Variants in USH2A observed in about 807,000 individuals in gnomAD.
USH2A encodes the protein usherin.
Under a neutral mutation model 538.9 loss-of-function variants are expected in USH2A, and 443 were observed. The ratio of observed to expected loss-of-function variants is 0.82; its 90% CI spans 0.76 to 0.89. The LOEUF is 0.89. Among genes scored for constraint, USH2A ranks in the 40% least tolerant of loss-of-function variants. The pLI is 0.00. For missense variants in USH2A, 6,633 were observed against 6,324.8 expected (o/e 1.05, Z -1.65); for synonymous variants, 2,413 against 2,273.5 (o/e 1.06, Z -1.75).
At chr1:215,889,108 T>A (rs1361226005) in intron 40 of USH2A, 54 bp from the exon 41 acceptor site, 2 of 1,596,894 alleles carry the variant, frequency 1.3e-6, no homozygotes, top group African/African-American at 2.7e-5. Flanking sequence ...GTCCCACCTC[T>A]CCTCAAAGCT....
rs188678624 is a variant in USH2A at position 216,078,904 on chromosome 1, A to T, written c.5299-542T>A. ...GATTCAATATTTCGGTTTTATTCTAAATCTTTAACTAACATAATTGCTTCT... is the reference window on the plus strand; with the variant it reads ...GATTCAATATTTCGGTTTTATTCTATATCTTTAACTAACATAATTGCTTCT... On this transcript the variant is annotated intron_variant, in intron 26 of 71. Transcript: ENST00000307340. 5.0e-3 allele frequency among the ~76,000 whole-genome samples: 762 copies of T among 152,218 alleles called. 7 individuals are homozygous for T. The highest frequency in any genetic ancestry group is 0.018 in the African/African-American group (738 of 41,554).
At chr1:216,284,014 C>A (rs1571658700) in intron 11 of USH2A, among the ~76,000 whole-genome samples, 1 of 152,036 alleles carries the variant, frequency 6.6e-6, no homozygotes, top group African/African-American at 2.4e-5. Context: ...TCTGAACTGT[C>A]TTCTAGTAAT....
In USH2A at chr1:216,207,289, C is replaced by T; in HGVS notation, c.3300G>A (p.Glu1100=). The T allele has an allele frequency of 6.2e-7, 1 of 1,613,958 alleles. No homozygotes were observed. Among genetic ancestry groups the T allele is most frequent in the Non-Finnish European group, 8.5e-7 (1 of 1,179,936 alleles). Residue 1100 remains glutamate, a synonymous_variant, in exon 16 of 72, where the codon GAG becomes GAA. Coordinates refer to ENST00000307340, the MANE Select transcript of USH2A (RefSeq NM_206933.4). ...TAAACTCACTGTATGGGTATTGATC[C>T]TCTGTTGTGTAGATTTCAAAACCAT... ...LRDGFEIYTT[E]DQYPYSIQYF...
chr1:215,892,212 G>T (rs1346994102), intron 40 of USH2A, among the ~76,000 whole-genome samples: 1 of 152,130 alleles, frequency 6.6e-6, no homozygotes, highest in Non-Finnish European at 1.5e-5. Context: ...ACTTGAGTGT[G>T]TATATAACTT....
chr1:216,398,451 G>A (rs2039253108), intron 3 of USH2A, among the ~76,000 whole-genome samples: 1 of 152,044 alleles, frequency 6.6e-6, no homozygotes, highest in African/African-American at 2.4e-5. Context: ...AGAAGATCAG[G>A]AAAATGTTGG....
At chr1:215,627,128 G>A (rs1341762767) in intron 71 of USH2A, among the ~76,000 whole-genome samples, 2 of 152,064 alleles carry the variant, frequency 1.3e-5, no homozygotes, top group Non-Finnish European at 2.9e-5. Context: ...TATAGTGTTA[G>A]GGAACCTGGG....
intron 44 of USH2A, among the ~76,000 whole-genome samples, chr1:215,862,532 G>A (rs1413134607): frequency 6.6e-6 from 1 of 152,126 alleles, no homozygotes; most frequent in Non-Finnish European, 1.5e-5. Flanking sequence ...CCTGCACGTT[G>A]TGCAGATGTA....
At chr1:216,132,827 C>T (rs1050949608) in intron 21 of USH2A, among the ~76,000 whole-genome samples, 6 of 152,190 alleles carry the variant, frequency 3.9e-5, no homozygotes, top group Middle Eastern at 6.8e-3. Context: ...CTTTCCCTCT[C>T]CCTATAATGA....
chr1:216,137,689 C>T (rs879669290), intron 21 of USH2A, among the ~76,000 whole-genome samples: 2 of 152,064 alleles, frequency 1.3e-5, no homozygotes, highest in Non-Finnish European at 2.9e-5. Context: ...CTAGCCAAAC[C>T]GGCAGCTGAT....
In USH2A at chr1:216,422,259, A is replaced by G. The variant is rs59139861; in HGVS notation, c.78T>C (p.Ala26=). Residue 26 remains alanine, a synonymous_variant, in exon 2 of 72, where the codon GCT becomes GCC. Coordinates refer to ENST00000307340, the MANE Select transcript of USH2A (RefSeq NM_206933.4). ...VIEMLIFAYF[A]SISLTESRGL... ...CTCGTGACTCAGTCAAGGATATTGA[A>G]GCAAAATAGGCAAAGATCAACATTT... 1,486 of 1,613,718 alleles carry G rather than the reference A, an allele frequency of 9.2e-4. 10 individuals are homozygous for G. The African/African-American group carries it at 0.018, about 19-fold the overall frequency.
intron 32 of USH2A, among the ~76,000 whole-genome samples, chr1:216,022,681 T>C (rs527351576): frequency 6.6e-6 from 1 of 152,244 alleles, no homozygotes; most frequent in East Asian, 1.9e-4. Flanking sequence ...CATTCAGCTT[T>C]GGTACTAGCA....
intron 47 of USH2A, among the ~76,000 whole-genome samples, chr1:215,832,458 G>A (rs1035957892): frequency 6.6e-5 from 10 of 151,826 alleles, no homozygotes; most frequent in African/African-American, 2.2e-4. Flanking sequence ...GTTATCCAGC[G>A]AATACAAACT....
intron 11 of USH2A, among the ~76,000 whole-genome samples, chr1:216,260,836 T>A (rs942825145): frequency 6.6e-6 from 1 of 152,054 alleles, no homozygotes; most frequent in African/African-American, 2.4e-5. Flanking sequence ...ACACTGCCTC[T>A]CCCCTTTACC....
intron 32 of USH2A, among the ~76,000 whole-genome samples, chr1:216,012,176 T>C (rs2365634): frequency 0.88 from 122,072 of 138,708 alleles, 54,064 homozygotes; most frequent in African/African-American, 0.97. Flanking sequence ...GGCCTAATCA[T>C]CACACACCAG....
intron 34 of USH2A, among the ~76,000 whole-genome samples, chr1:215,997,982 T>A (rs1450158175): frequency 1.3e-5 from 2 of 151,986 alleles, no homozygotes; most frequent in Non-Finnish European, 2.9e-5. Context: ...AATAGTTGAG[T>A]GTAGTTTATT....
intron 11 of USH2A, among the ~76,000 whole-genome samples, chr1:216,281,195 A>G (rs910255781): frequency 6.6e-6 from 1 of 152,186 alleles, no homozygotes; most frequent in Non-Finnish European, 1.5e-5. Context: ...TGATTTAAAG[A>G]TAAACAATGT....
chr1:216,004,952 T>C (rs948232991), intron 32 of USH2A, among the ~76,000 whole-genome samples: 3 of 152,186 alleles, frequency 2.0e-5, no homozygotes, highest in African/African-American at 7.2e-5. Context: ...GGCATTATCC[T>C]CTAACTACTT....
chr1:215,675,504 G>A lies in USH2A; in HGVS notation c.12407C>T (p.Thr4136Ile), dbSNP rs1657992486. The A allele has an allele frequency of 6.2e-7, 1 of 1,614,032 alleles. No homozygotes were observed. Among genetic ancestry groups the A allele is most frequent in the Non-Finnish European group, 8.5e-7 (1 of 1,179,976 alleles). The change falls in exon 63 of 72, where the codon ACC (threonine) becomes ATC (isoleucine). Residue 4136 changes from threonine (T) to isoleucine (I), a missense_variant. Transcript: ENST00000307340. ...TLYTLTLEACTRAGCAHSAPQ... is the reference protein window; with the variant it reads ...TLYTLTLEACIRAGCAHSAPQ... ...CGCCGAGTGTGCACAACCTGCTCTG[G>A]TGCAGGCCTCCAGGGTCAGTGTGTA...
chr1:216,139,878 G>A (rs1425021340), intron 21 of USH2A, among the ~76,000 whole-genome samples: 5 of 152,054 alleles, frequency 3.3e-5, no homozygotes, highest in East Asian at 1.9e-4. Context: ...TCTGACTTGC[G>A]ACCCTTTACA....
Sources: allele counts gnomAD v4.1 joint callset (sites outside exome capture counted in the v4.1 genomes callset), GRCh38; gene constraint gnomAD v4.1.1; transcripts MANE v1.5; gene names NCBI Gene and HGNC (gene_info 2026-07-23, HGNC 2026-07-21).